ANOS1: variants seen among roughly 807,000 people sequenced by gnomAD.
The protein encoded by ANOS1 is anosmin 1, also known as anosmin-1.
A neutral mutation model predicts 59.0 loss-of-function variants in ANOS1; 6 were observed. The ratio of observed to expected loss-of-function variants is 0.10; its 90% CI spans 0.06 to 0.20. The LOEUF (loss-of-function observed/expected upper bound fraction) is 0.20, where lower values mean the gene tolerates loss of function less well. Among genes scored for constraint, ANOS1 ranks in the 10% least tolerant of loss-of-function variants. The pLI, the probability that ANOS1 is intolerant of heterozygous loss-of-function variation, is 1.00. For missense variants in ANOS1, 433 were observed against 542.3 expected (o/e 0.80, Z 2.00); for synonymous variants, 217 against 223.4 (o/e 0.97, Z 0.25).
In ANOS1 at chrX:8,672,463, A is replaced by G. The variant is rs1932273092; in HGVS notation, c.255+27235T>C. Reference sequence around the variant, plus strand: ...GCTTGAAGCAGTGGGAAGTCGAACCACACAAGAGAGTTTCCTTGTCAAGTG... The same window carrying G: ...GCTTGAAGCAGTGGGAAGTCGAACCGCACAAGAGAGTTTCCTTGTCAAGTG... On this transcript the variant is annotated intron_variant, in intron 2 of 13. Coordinates refer to ENST00000262648, the MANE Select transcript of ANOS1 (RefSeq NM_000216.4). Among the ~76,000 whole-genome samples the G allele has an allele frequency of 3.6e-5, 4 of 112,580 alleles. No individual in the cohort carries two copies. In the South Asian group the frequency reaches 1.5e-3, roughly 42 times the overall value.
intron 4 of ANOS1, among the ~76,000 whole-genome samples, chrX:8,589,291 G>C (rs777501265): frequency 8.9e-6 from 1 of 111,976 alleles, no homozygotes; most frequent in East Asian, 2.8e-4. Context: ...CTTTATTACT[G>C]ATGGGTCATG....
chrX:8,700,352 G>GGA (rs752508637), intron 1 of ANOS1, among the ~76,000 whole-genome samples: 2 of 108,762 alleles, frequency 1.8e-5, no homozygotes, highest in Non-Finnish European at 3.8e-5. Flanking sequence ...TGGCAGAGCA[G>GGA]GAGAGAGAGA....
In ANOS1 at chrX:8,570,652, G is replaced by A; in HGVS notation, c.909C>T (p.Val303=). 8.3e-7 allele frequency: 1 copy of A among 1,211,731 alleles called. No individual in the cohort carries two copies. The part of the protein sequence containing the change: ...PANLRLANST[V]NSDGSVTVTI... ...TGACGGTCACACTCCCATCACTGTT[G>A]ACGGTGGAGTTGGCCAGCCGGAGGT... The change falls in exon 7 of 14, where the codon GTC becomes GTT. Residue 303 remains valine (V), a synonymous_variant. Coordinates refer to ENST00000262648, the MANE Select transcript of ANOS1 (RefSeq NM_000216.4).
chrX:8,557,096 G>A (rs757137183), intron 8 of ANOS1, among the ~76,000 whole-genome samples: 11 of 111,986 alleles, frequency 9.8e-5, no homozygotes, highest in Non-Finnish European at 1.9e-4. Flanking sequence ...TTTAATAAAC[G>A]GTGCTGGGAA....
At chrX:8,665,987 A>G (rs746462736) in intron 2 of ANOS1, among the ~76,000 whole-genome samples, 1 of 110,225 alleles carries the variant, frequency 9.1e-6, no homozygotes, top group Non-Finnish European at 1.9e-5. Flanking sequence ...GGATTGCTTG[A>G]CCCCAGGGGT....
chrX:8,562,087 C>T (rs756137067), intron 8 of ANOS1, among the ~76,000 whole-genome samples: 3 of 109,948 alleles, frequency 2.7e-5, no homozygotes, highest in South Asian at 4.0e-4. Context: ...ACTACAGGCA[C>T]GCATCACCAT....
chrX:8,731,857 G>A lies in ANOS1; in HGVS notation c.180C>T (p.Arg60=), dbSNP rs1932981497. 1 of 1,194,520 alleles carries A rather than the reference G, an allele frequency of 8.4e-7. No individual in the cohort carries two copies. The highest frequency in any genetic ancestry group is 1.8e-5 in the South Asian group (1 of 55,244). ...ASRCLSLQIT[R]ISAFFQHFQN... ...GGAAGTGCTGGAAGAAGGCGGAGAT[G>A]CGAGTGATCTGCAGGCTCAGGCACC... Residue 60 remains arginine (R), a synonymous_variant, in exon 1 of 14, where the codon CGC becomes CGT. Transcript: ENST00000262648.
chrX:8,600,917 G>A (rs1267132470), intron 3 of ANOS1, among the ~76,000 whole-genome samples: 4 of 112,113 alleles, frequency 3.6e-5, no homozygotes, highest in Admixed American at 1.9e-4. Context: ...TAGGCCGGGC[G>A]TGGTGGCTCA....
At chrX:8,577,445 T>C (rs981831555) in intron 6 of ANOS1, among the ~76,000 whole-genome samples, 3 of 111,646 alleles carry the variant, frequency 2.7e-5, no homozygotes, top group East Asian at 5.7e-4. Flanking sequence ...CCTTATGATC[T>C]TCACAATTAT....
chrX:8,538,636 T>C (rs190728038), intron 10 of ANOS1, among the ~76,000 whole-genome samples: 4 of 111,875 alleles, frequency 3.6e-5, no homozygotes, highest in Non-Finnish European at 7.5e-5. Flanking sequence ...CCAGCTTCTG[T>C]TTATTGCTTT....
chrX:8,634,314 A>C (rs1187606012), intron 2 of ANOS1, among the ~76,000 whole-genome samples: 1 of 110,981 alleles, frequency 9.0e-6, no homozygotes, highest in African/African-American at 3.3e-5. Flanking sequence ...GTATATATAC[A>C]TATATGTATA....
intron 2 of ANOS1, among the ~76,000 whole-genome samples, chrX:8,694,476 C>A (rs1932654370): frequency 8.9e-6 from 1 of 111,826 alleles, no homozygotes; most frequent in Non-Finnish European, 1.9e-5. Flanking sequence ...TGATGCCAGC[C>A]TGGCCAACAT....
At position 8,694,119 on chromosome X, in the gene ANOS1, C is replaced by T. The variant is rs192470512; in HGVS notation, c.255+5579G>A. ...AAAAAATTAATGCAAAGACCAAGTT[C>T]ACCCTTCATATCACTTTATCACTAG... On this transcript the variant is annotated intron_variant, in intron 2 of 13. Coordinates refer to ENST00000262648, the MANE Select transcript of ANOS1 (RefSeq NM_000216.4). Among the ~76,000 whole-genome samples, 35 of 111,721 alleles carry T rather than the reference C, an allele frequency of 3.1e-4. No homozygotes were observed. In the East Asian group the frequency reaches 6.2e-3, roughly 20 times the overall value.
chrX:8,644,624 C>T (rs1602000775), intron 2 of ANOS1, among the ~76,000 whole-genome samples: 1 of 112,034 alleles, frequency 8.9e-6, no homozygotes, highest in East Asian at 2.8e-4. Context: ...AATCTGACAC[C>T]TTTTAAGGTC....
chrX:8,688,119 T>A (rs1235102579), intron 2 of ANOS1, among the ~76,000 whole-genome samples: 1 of 111,823 alleles, frequency 8.9e-6, no homozygotes, highest in Non-Finnish European at 1.9e-5. Flanking sequence ...CCCCTTAAAT[T>A]CAAGTGAGAG....
At chrX:8,590,201 T>C (rs1381359125) in intron 4 of ANOS1, among the ~76,000 whole-genome samples, 1 of 112,186 alleles carries the variant, frequency 8.9e-6, no homozygotes, top group Non-Finnish European at 1.9e-5. Flanking sequence ...CAAGGCATCC[T>C]TCTTCATAAT....
At chrX:8,659,592 T>G (rs868564039) in intron 2 of ANOS1, among the ~76,000 whole-genome samples, 3 of 28,818 alleles carry the variant, frequency 1.0e-4, no homozygotes, top group East Asian at 1.6e-3. Context: ...TTGCCTTCCT[T>G]CCTTCCTTCC....
intron 12 of ANOS1, 73 bp downstream of exon 12, chrX:8,535,516 AGC>A (rs1929573281): frequency 2.6e-6 from 2 of 773,315 alleles, no homozygotes; most frequent in East Asian, 6.4e-5. Context: ...TGACAGAGGT[AGC>A]CACCTCTGAA....
rs1930747399 is a variant in ANOS1 at position 8,596,936 on chromosome X, T to C, written c.541+98A>G. On this transcript the variant is annotated intron_variant, in intron 4 of 13. Transcript: ENST00000262648. ...TAAATTTTCTAAAGATTTTATGTTT[T>C]TTAGACTTTTCACACCTATGATGGA... 2.6e-6 allele frequency: 3 copies of C among 1,156,587 alleles called. No individual in the cohort carries two copies. The East Asian group carries it at 9.5e-5, about 37-fold the overall frequency.
Sources: allele counts gnomAD v4.1 joint callset (sites outside exome capture counted in the v4.1 genomes callset), GRCh38; gene constraint gnomAD v4.1.1; transcripts MANE v1.5; gene names NCBI Gene and HGNC (gene_info 2026-07-23, HGNC 2026-07-21).